The following GALNT10 variants were observed in gnomAD, a reference collection of about 807,000 sequenced individuals.
The protein encoded by GALNT10 is GalNAc transferase 10.
GALNT10 carries 41 observed loss-of-function variants against 75.0 expected under a neutral mutation model. The observed-to-expected ratio is 0.55, with a 90% CI of 0.43 to 0.71. The LOEUF is 0.71. Among genes scored for constraint, GALNT10 ranks in the 30% least tolerant of loss-of-function variants. The probability of loss-of-function intolerance (pLI) is 0.00; values close to 1 mark genes in which losing one functional copy is unlikely to be tolerated. For missense variants in GALNT10, 727 were observed against 818.5 expected (o/e 0.89, Z 1.36); for synonymous variants, 302 against 313.0 (o/e 0.96, Z 0.37).
chr5:154,278,527 G>T (rs1158270844), intron 1 of GALNT10, among the ~76,000 whole-genome samples: 1 of 152,128 alleles, frequency 6.6e-6, no homozygotes, highest in African/African-American at 2.4e-5. Context: ...TTTTTAGAGG[G>T]GAGGAGAAGG....
intron 4 of GALNT10, among the ~76,000 whole-genome samples, chr5:154,345,090 TG>T (rs1429292036): frequency 2.6e-5 from 4 of 152,222 alleles, no homozygotes; most frequent in Non-Finnish European, 4.4e-5. Context: ...GGTCCTTTTT[TG>T]TTCCTTGGCT....
intron 3 of GALNT10, among the ~76,000 whole-genome samples, chr5:154,301,683 T>C (rs1249190299): frequency 1.3e-5 from 2 of 151,878 alleles, no homozygotes; most frequent in African/African-American, 4.8e-5. Flanking sequence ...CAAAACCTCA[T>C]CACATTTGGC....
At chr5:154,372,185 C>T (rs1366072893) in intron 4 of GALNT10, among the ~76,000 whole-genome samples, 2 of 152,142 alleles carry the variant, frequency 1.3e-5, no homozygotes, top group African/African-American at 4.8e-5. Context: ...GTTACTTAAC[C>T]TCTCTGTGCC....
chr5:154,230,355 G>A (rs1268244344), intron 1 of GALNT10, among the ~76,000 whole-genome samples: 1 of 152,156 alleles, frequency 6.6e-6, no homozygotes, highest in African/African-American at 2.4e-5. Flanking sequence ...TGTCCCCAAG[G>A]GGTTTACTAG....
chr5:154,418,889 T>G lies in GALNT10; in HGVS notation c.*1917T>G, dbSNP rs1420523287. On this transcript the variant is annotated 3_prime_UTR_variant, in exon 12 of 12. Transcript: ENST00000297107. Reference sequence around the variant, plus strand: ...AAAGAAGTCAAAAGATGAGGCCCCTTCTAGAATCTAGGATAACAAGAGTGT... The same window carrying G: ...AAAGAAGTCAAAAGATGAGGCCCCTGCTAGAATCTAGGATAACAAGAGTGT... 1.3e-5 allele frequency: 2 copies of G among 152,544 alleles called. No homozygotes were observed. Among genetic ancestry groups the G allele is most frequent in the Non-Finnish European group, 2.9e-5 (2 of 68,036 alleles). The allele number at this position is 152,544 out of a possible 1,614,324, so 9.4% of individuals were successfully genotyped here. A position where few individuals can be genotyped will look rare whatever the true frequency, so the allele number is the denominator to read the frequency against.
chr5:154,328,923 T>C (rs1023741332), intron 3 of GALNT10, among the ~76,000 whole-genome samples: 1 of 152,208 alleles, frequency 6.6e-6, no homozygotes, highest in Non-Finnish European at 1.5e-5. Context: ...TCACATGGCA[T>C]GATCAATTAT....
intron 1 of GALNT10, among the ~76,000 whole-genome samples, chr5:154,293,894 C>T (rs1344991854): frequency 6.6e-6 from 1 of 152,114 alleles, no homozygotes; most frequent in South Asian, 2.1e-4. Flanking sequence ...GAAACATTCT[C>T]CATTTCTCCC....
intron 1 of GALNT10, among the ~76,000 whole-genome samples, chr5:154,259,477 C>CT (rs1325291950): frequency 2.0e-5 from 3 of 152,140 alleles, no homozygotes; most frequent in Non-Finnish European, 4.4e-5. Flanking sequence ...TAATAGGTAT[C>CT]TTTTTTGGAG....
chr5:154,317,536 T>C (rs535874922), intron 3 of GALNT10, among the ~76,000 whole-genome samples: 1 of 152,282 alleles, frequency 6.6e-6, no homozygotes, highest in South Asian at 2.1e-4. Flanking sequence ...CCCAGGTCAC[T>C]TTCTCCTGGT....
intron 9 of GALNT10, among the ~76,000 whole-genome samples, chr5:154,411,901 G>A (rs1216117219): frequency 2.0e-5 from 3 of 152,218 alleles, no homozygotes; most frequent in Non-Finnish European, 1.5e-5. Context: ...CTGTGAAGGG[G>A]TGAGGGAAGG....
At chr5:154,350,313 C>A (rs1755188341) in intron 4 of GALNT10, among the ~76,000 whole-genome samples, 1 of 152,182 alleles carries the variant, frequency 6.6e-6, no homozygotes. Context: ...GGTGCAGGAT[C>A]CTGGGTCCGC....
At chr5:154,287,963 A>T (rs1754138151) in intron 1 of GALNT10, among the ~76,000 whole-genome samples, 2 of 150,784 alleles carry the variant, frequency 1.3e-5, no homozygotes, top group Admixed American at 1.3e-4. Flanking sequence ...TGTGTGTGAG[A>T]GAGAGAGAGA....
chr5:154,416,805 G>A lies in GALNT10; in HGVS notation c.1654-9G>A. 1 of 1,609,786 alleles carries A rather than the reference G, an allele frequency of 6.2e-7. No individual in the cohort carries two copies. Among genetic ancestry groups the A allele is most frequent in the Non-Finnish European group, 8.5e-7 (1 of 1,176,120 alleles). Reference sequence around the variant, plus strand: ...GTGCTGTCTGGCTTATTACCTCCATGTTTTGTAGGACAAGACCCTGTACCA... The same window carrying A: ...GTGCTGTCTGGCTTATTACCTCCATATTTTGTAGGACAAGACCCTGTACCA... On this transcript the variant is annotated splice_polypyrimidine_tract_variant and intron_variant, in intron 11 of 11. Transcript: ENST00000297107. The surrounding 1 kb of genome is among the most constrained non-coding windows in gnomAD (Gnocchi z 4.5).
intron 1 of GALNT10, among the ~76,000 whole-genome samples, chr5:154,241,330 G>A (rs563630789): frequency 6.6e-6 from 1 of 152,160 alleles, no homozygotes; most frequent in African/African-American, 2.4e-5. Context: ...GGGGCAGAGA[G>A]GGGTGGGGTA....
At chr5:154,325,775 G>A (rs1754747656) in intron 3 of GALNT10, among the ~76,000 whole-genome samples, 1 of 152,196 alleles carries the variant, frequency 6.6e-6, no homozygotes, top group Non-Finnish European at 1.5e-5. Context: ...ACTTACTGGT[G>A]AGAGACTGAA....
At chr5:154,404,323 G>T (rs1490289430) in intron 8 of GALNT10, 112 bp downstream of exon 8, 2 of 600,922 alleles carry the variant, frequency 3.3e-6, no homozygotes, top group Non-Finnish European at 3.0e-6. Flanking sequence ...GTTTGAGGAT[G>T]TGCCTCCCAT....
At chr5:154,304,132 T>TA (rs1185421131) in intron 3 of GALNT10, among the ~76,000 whole-genome samples, 1 of 152,192 alleles carries the variant, frequency 6.6e-6, no homozygotes, top group Non-Finnish European at 1.5e-5. Context: ...AAAAAGATTT[T>TA]AAAAATTGAA....
chr5:154,370,408 C>G (rs1755547265), intron 4 of GALNT10, among the ~76,000 whole-genome samples: 1 of 152,126 alleles, frequency 6.6e-6, no homozygotes, highest in East Asian at 1.9e-4. Flanking sequence ...AGGGGCTGAC[C>G]TAGGAACCTG....
At chr5:154,325,053 A>G (rs1346791615) in intron 3 of GALNT10, among the ~76,000 whole-genome samples, 1 of 152,212 alleles carries the variant, frequency 6.6e-6, no homozygotes, top group Non-Finnish European at 1.5e-5. Flanking sequence ...GGAACCATGT[A>G]AATATTTAAT....
Sources: gnomAD v4.1 joint callset for allele counts (sites outside exome capture counted in the v4.1 genomes callset) on GRCh38, gnomAD v4.1.1 for gene constraint, Gnocchi (gnomAD v3.1) non-coding constraint, MANE v1.5 for transcripts, NCBI Gene and HGNC (gene_info 2026-07-23, HGNC 2026-07-21) for gene names.